BNC2: variants seen among roughly 807,000 people sequenced by gnomAD.
The protein encoded by BNC2 is zinc finger protein basonuclin-2.
A neutral mutation model predicts 76.3 loss-of-function variants in BNC2; 20 were observed. The observed-to-expected ratio is 0.26, with a 90% confidence interval of 0.18 to 0.38. BNC2 has a LOEUF of 0.38. Ranked by LOEUF, BNC2 falls within the 10% of genes least tolerant of loss-of-function variation. The pLI is 1.00. For missense variants in BNC2, 1,382 were observed against 1,399.8 expected (o/e 0.99, Z 0.20); for synonymous variants, 582 against 514.8 (o/e 1.13, Z -1.77).
At position 16,804,990 on chromosome 9, in the gene BNC2, A is replaced by T. The variant is rs919192373; in HGVS notation, c.3+65656T>A. Among the ~76,000 whole-genome samples, 31 of 152,114 alleles carry T rather than the reference A, an allele frequency of 2.0e-4. 1 individual carries two copies. Among genetic ancestry groups the T allele is most frequent in the Admixed American group, 6.5e-5 (1 of 15,286 alleles). ...GGTGGGAGAATCTCTTGAACTCGGG[A>T]GGTGGAGGTTGCAGTGAGCCGAGAC... On this transcript the variant is annotated intron_variant, in intron 1 of 6. Coordinates refer to ENST00000380672, the MANE Select transcript of BNC2 (RefSeq NM_017637.6).
At chr9:16,425,317 G>A (rs1820783636) in intron 6 of BNC2, among the ~76,000 whole-genome samples, 1 of 152,116 alleles carries the variant, frequency 6.6e-6, no homozygotes, top group South Asian at 2.1e-4. Flanking sequence ...CAGGTAGGAT[G>A]TATTGGGGTC....
chr9:16,767,488 T>G (rs1426681201), intron 1 of BNC2, among the ~76,000 whole-genome samples: 3 of 152,166 alleles, frequency 2.0e-5, no homozygotes, highest in Non-Finnish European at 4.4e-5. Context: ...TTTGTAGAGC[T>G]GAGCCTTTCC....
intron 1 of BNC2, among the ~76,000 whole-genome samples, chr9:16,753,338 T>C (rs1443281415): frequency 6.6e-6 from 1 of 152,180 alleles, no homozygotes; most frequent in Non-Finnish European, 1.5e-5. Context: ...CAATAAATCA[T>C]TATTAAATAA....
At chr9:16,713,127 TAC>T (rs1395678475) in intron 3 of BNC2, among the ~76,000 whole-genome samples, 1 of 152,222 alleles carries the variant, frequency 6.6e-6, no homozygotes, top group Non-Finnish European at 1.5e-5. Context: ...TTAGCAATTT[TAC>T]AGTTTTACAT....
chr9:16,721,399 C>T (rs1783231003), intron 3 of BNC2, among the ~76,000 whole-genome samples: 1 of 152,096 alleles, frequency 6.6e-6, no homozygotes, highest in South Asian at 2.1e-4. Flanking sequence ...TCTCCAGGGT[C>T]CTTACAGTAG....
intron 1 of BNC2, among the ~76,000 whole-genome samples, chr9:16,840,624 A>G (rs748901794): frequency 2.0e-5 from 3 of 152,238 alleles, no homozygotes; most frequent in Non-Finnish European, 4.4e-5. Context: ...TCAAGAACTT[A>G]GATGGTAAGA....
chr9:16,454,738 G>A (rs1281342960), intron 5 of BNC2, among the ~76,000 whole-genome samples: 1 of 152,182 alleles, frequency 6.6e-6, no homozygotes, highest in Non-Finnish European at 1.5e-5. Context: ...GCCAGTGTGA[G>A]CCTAAAACCT....
chr9:16,860,566 T>A (rs1207858376), intron 1 of BNC2, among the ~76,000 whole-genome samples: 1 of 152,178 alleles, frequency 6.6e-6, no homozygotes, highest in Non-Finnish European at 1.5e-5. Context: ...GAATCCACCC[T>A]GTGGGAGCTC....
intron 1 of BNC2, among the ~76,000 whole-genome samples, chr9:16,849,174 CTT>C (rs1229367205): frequency 6.6e-6 from 1 of 151,978 alleles, no homozygotes; most frequent in East Asian, 1.9e-4. Flanking sequence ...GTAAAATTAG[CTT>C]TCCTGGAGTC....
chr9:16,452,091 G>T (rs887530964), intron 5 of BNC2, among the ~76,000 whole-genome samples: 4 of 152,194 alleles, frequency 2.6e-5, no homozygotes, highest in African/African-American at 7.2e-5. Context: ...CAATGGTGCA[G>T]GGAGGCAGCA....
intron 1 of BNC2, among the ~76,000 whole-genome samples, chr9:16,837,922 C>T (rs1435715077): frequency 6.6e-6 from 1 of 151,666 alleles, no homozygotes; most frequent in Non-Finnish European, 1.5e-5. Context: ...GAGTGAAACT[C>T]TGTCTAAAAA....
intron 5 of BNC2, among the ~76,000 whole-genome samples, chr9:16,540,228 C>A (rs145806413): frequency 1.6e-5 from 2 of 128,472 alleles, no homozygotes; most frequent in East Asian, 4.7e-4. Flanking sequence ...CTGTGAAATT[C>A]TCAAACTTGC....
intron 3 of BNC2, among the ~76,000 whole-genome samples, chr9:16,622,745 T>C (rs532882226): frequency 2.6e-5 from 4 of 152,054 alleles, no homozygotes; most frequent in Non-Finnish European, 5.9e-5. Context: ...AGGAGGAGGG[T>C]ATTTTTAGAA....
intron 1 of BNC2, among the ~76,000 whole-genome samples, chr9:16,787,682 A>G (rs1336783976): frequency 6.6e-6 from 1 of 152,096 alleles, no homozygotes; most frequent in East Asian, 1.9e-4. Context: ...CGCTTCCTAC[A>G]GTGCTTCCCC....
chr9:16,834,497 G>C (rs1818656801), intron 1 of BNC2, among the ~76,000 whole-genome samples: 1 of 152,186 alleles, frequency 6.6e-6, no homozygotes, highest in South Asian at 2.1e-4. Context: ...ATTACCAGCT[G>C]CCTGACCATA....
chr9:16,488,920 G>A (rs917403481), intron 5 of BNC2, among the ~76,000 whole-genome samples: 37 of 152,116 alleles, frequency 2.4e-4, no homozygotes, highest in Non-Finnish European at 4.4e-5. Context: ...TCTATATTAT[G>A]TTTCAGTCAT....
chr9:16,762,112 C>T (rs1319619788), intron 1 of BNC2, among the ~76,000 whole-genome samples: 2 of 152,136 alleles, frequency 1.3e-5, no homozygotes, highest in Admixed American at 1.3e-4. Context: ...CAAAAGAACC[C>T]ATGCTCCAGG....
At chr9:16,781,737 A>G (rs999276654) in intron 1 of BNC2, among the ~76,000 whole-genome samples, 2 of 152,354 alleles carry the variant, frequency 1.3e-5, no homozygotes, top group African/African-American at 4.8e-5. Context: ...AATATATAAT[A>G]AATGATGTAT....
At chr9:16,506,028 G>C (rs562232654) in intron 5 of BNC2, among the ~76,000 whole-genome samples, 226 of 152,290 alleles carry the variant, frequency 1.5e-3, no homozygotes, top group Non-Finnish European at 2.8e-3. Context: ...CAAAGACTTA[G>C]TAAGAAGTGG....
Sources: gnomAD v4.1 joint callset for allele counts (sites outside exome capture counted in the v4.1 genomes callset) on GRCh38, gnomAD v4.1.1 for gene constraint, MANE v1.5 for transcripts, NCBI Gene and HGNC (gene_info 2026-07-23, HGNC 2026-07-21) for gene names.